Variants in METTL9 observed in about 807,000 individuals in gnomAD.
METTL9 encodes protein-L-histidine N-pros-methyltransferase.
In METTL9, 10 loss-of-function variants were observed where a neutral mutation model predicts 36.0. The ratio of observed to expected loss-of-function variants is 0.28; its 90% CI spans 0.17 to 0.47. METTL9 has a LOEUF of 0.47. Ranked by LOEUF, METTL9 falls within the 20% of genes least tolerant of loss-of-function variation. The probability of loss-of-function intolerance (pLI) is 0.99; values close to 1 mark genes in which losing one functional copy is unlikely to be tolerated. For synonymous variants in METTL9, 175 were observed against 149.7 expected, an observed-to-expected ratio of 1.17 and a Z score of -1.23; for missense variants, 246 against 383.5, an observed-to-expected ratio of 0.64 and a Z score of 3.00.
chr16:21,614,028 G>A lies in METTL9; in HGVS notation c.356+1193G>A, dbSNP rs567578564. On this transcript the variant is annotated intron_variant, in intron 2 of 4. Transcript: ENST00000358154. ...TTTCTACTGACTGACTGGATCCCCA[G>A]TGTATCATCTGGTCCTAAGTCTTCA... Among the ~76,000 whole-genome samples, 13 of 152,166 alleles carry A rather than the reference G, an allele frequency of 8.5e-5. 1 individual carries two copies. The East Asian group carries it at 2.3e-3, about 27-fold the overall frequency.
chr16:21,627,606 C>T (rs1965844356), intron 4 of METTL9: 1 of 156,684 alleles, frequency 6.4e-6, no homozygotes, highest in African/African-American at 2.4e-5. Context: ...AAAAGTAATT[C>T]AGTAATTAAA....
Position 21,624,524 on chromosome 16 carries a change from C to A in METTL9, c.567-407C>A, listed in dbSNP as rs145577091. Among the ~76,000 whole-genome samples the A allele has an allele frequency of 9.9e-4, 150 of 152,110 alleles. 1 individual carries two copies. Among genetic ancestry groups the A allele is most frequent in the African/African-American group, 3.4e-3 (142 of 41,498 alleles). On this transcript the variant is annotated intron_variant, in intron 3 of 4. Transcript: ENST00000358154. ...GTCGGATCGCTTGAGGTGAGGAGTTCAAGATCAGCTTAGCCAATGTGGTAA... is the reference window on the plus strand; with the variant it reads ...GTCGGATCGCTTGAGGTGAGGAGTTAAAGATCAGCTTAGCCAATGTGGTAA...
At chr16:21,653,291 C>G (rs1966627383) in intron 4 of METTL9, 1 of 150,466 alleles carries the variant, frequency 6.6e-6, no homozygotes, top group Admixed American at 6.7e-5. Context: ...GTTGTCTAGG[C>G]TAGTCCTGCC....
chr16:21,631,949 CCT>C (rs1016781414), intron 4 of METTL9, among the ~76,000 whole-genome samples: 5 of 152,004 alleles, frequency 3.3e-5, no homozygotes, highest in African/African-American at 9.7e-5. Context: ...TCACTGACTC[CCT>C]CTTTGTCTCT....
chr16:21,650,743 A>T (rs757386271), intron 4 of METTL9, among the ~76,000 whole-genome samples: 1 of 152,134 alleles, frequency 6.6e-6, no homozygotes. Flanking sequence ...TCCCCCAACC[A>T]GTTAGGCAAC....
At chr16:21,618,372 T>TA (rs1965604697) in intron 3 of METTL9, among the ~76,000 whole-genome samples, 1 of 152,174 alleles carries the variant, frequency 6.6e-6, no homozygotes, top group South Asian at 2.1e-4. Context: ...AGTGGTAAAA[T>TA]ACACATAGCA....
At chr16:21,597,779 G>C (rs1004796296), upstream of METTL9, among the ~76,000 whole-genome samples, 6 of 152,246 alleles carry the variant, frequency 3.9e-5, no homozygotes, top group South Asian at 1.2e-3. Flanking sequence ...AGGAAGGAGA[G>C]GTGTCATAGT....
intron 4 of METTL9, among the ~76,000 whole-genome samples, chr16:21,639,054 A>G (rs1377830938): frequency 2.0e-5 from 3 of 152,230 alleles, no homozygotes; most frequent in Non-Finnish European, 2.9e-5. Context: ...TAATTGGGAA[A>G]GAAACTTGCT....
Position 21,656,077 on chromosome 16 carries a change from A to T in METTL9, c.*645A>T, listed in dbSNP as rs1227396155. The stretch of plus-strand genomic sequence containing the variant: ...GGAAGGAAGGCTTCAGACTTGGGGG[A>T]AGGGGAGATTATTGCAAATTGCAGT... On this transcript the variant is annotated 3_prime_UTR_variant, in exon 5 of 5. Transcript: ENST00000358154. 4.0e-5 allele frequency: 6 copies of T among 150,900 alleles called. No individual in the cohort carries two copies. Among genetic ancestry groups the T allele is most frequent in the African/African-American group, 1.5e-4 (6 of 41,050 alleles). 9.3% of individuals were successfully genotyped at this position (150,900 alleles called of 1,614,324 possible). A position where few individuals can be genotyped will look rare whatever the true frequency, so the allele number is the denominator to read the frequency against.
rs1966681357 is a variant in METTL9, at chr16:21,655,420, C to G, written c.945C>G (p.Leu315=). 9.3e-6 allele frequency: 15 copies of G among 1,613,964 alleles called. No individual in the cohort carries two copies. The highest frequency in any genetic ancestry group is 1.2e-5 in the Non-Finnish European group (14 of 1,179,862). The part of the protein sequence containing the change: ...YYVLDDAVFV[L]KPV ...TTCTGGATGACGCTGTCTTTGTTCT[C>G]AAACCAGTATAAACACGTGGAGGTC... The change falls in exon 5 of 5, where the codon CTC becomes CTG. Residue 315 remains leucine, a synonymous_variant. Coordinates refer to ENST00000358154, the MANE Select transcript of METTL9 (RefSeq NM_016025.5).
chr16:21,643,258 AC>A, intron 4 of METTL9: 1 of 805,650 alleles, frequency 1.2e-6, no homozygotes, highest in East Asian at 2.4e-5. Flanking sequence ...GGTCCCAAAA[AC>A]TACCCCCTCC....
intron 1 of METTL9, among the ~76,000 whole-genome samples, chr16:21,611,463 A>G (rs549775763): frequency 2.0e-5 from 3 of 152,274 alleles, no homozygotes; most frequent in African/African-American, 4.8e-5. Flanking sequence ...TTGACTGGGA[A>G]AAATTTGTGT....
At chr16:21,617,793 C>A in intron 2 of METTL9, 72 bp from the exon 3 acceptor site, 1 of 1,287,258 alleles carries the variant, frequency 7.8e-7, no homozygotes, top group Non-Finnish European at 1.1e-6. Flanking sequence ...TCACTATATT[C>A]ACTTTGTGTG....
At chr16:21,619,446 A>G (rs1965638035) in intron 3 of METTL9, among the ~76,000 whole-genome samples, 1 of 148,614 alleles carries the variant, frequency 6.7e-6, no homozygotes, top group Admixed American at 6.7e-5. Flanking sequence ...TTTTCTGGAG[A>G]TGAAGTTTCA....
At position 21,655,629 on chromosome 16, in the gene METTL9, C is replaced by G. The variant is rs779543729; in HGVS notation, c.*197C>G. ...ATGTTTTTAAAAGACAAAAACCCAA[C>G]TCTTTGTGGATTTTTATCAACTCTT... On this transcript the variant is annotated 3_prime_UTR_variant, in exon 5 of 5. Transcript: ENST00000358154. The G allele has an allele frequency of 2.3e-4, 124 of 546,278 alleles. 2 individuals carry two copies. The highest frequency in any genetic ancestry group is 2.8e-4 in the Non-Finnish European group (89 of 314,222). 33.8% of individuals were successfully genotyped at this position (546,278 alleles called of 1,614,324 possible). A position where few individuals can be genotyped will look rare whatever the true frequency, so the allele number is the denominator to read the frequency against.
At chr16:21,639,282 A>G (rs886773697) in intron 4 of METTL9, among the ~76,000 whole-genome samples, 2 of 152,198 alleles carry the variant, frequency 1.3e-5, no homozygotes, top group Non-Finnish European at 2.9e-5. Context: ...CTTACATGGG[A>G]AAGGCATATT....
At chr16:21,641,871 C>T (rs113338685) in intron 4 of METTL9, among the ~76,000 whole-genome samples, 3,950 of 152,178 alleles carry the variant, frequency 0.026, 76 homozygotes, top group Middle Eastern at 0.068. Context: ...CCACATACCT[C>T]GGCCTTGTTG....
chr16:21,657,007 C>T lies in METTL9; in HGVS notation c.*1575C>T, dbSNP rs1322325505. The T allele has an allele frequency of 6.6e-6, 1 of 151,966 alleles. No homozygotes were observed. Among genetic ancestry groups the T allele is most frequent in the Non-Finnish European group, 1.5e-5 (1 of 68,010 alleles). The allele number at this position is 151,966 out of a possible 1,614,324, so 9.4% of individuals were successfully genotyped here. A position where few individuals can be genotyped will look rare whatever the true frequency, so the allele number is the denominator to read the frequency against. Reference sequence around the variant, plus strand: ...GGAAATGAGAAAACTTAATGTCGTTCTTGTACAGTTGAGTTTTGCTTCTTT... The same window carrying T: ...GGAAATGAGAAAACTTAATGTCGTTTTTGTACAGTTGAGTTTTGCTTCTTT... On this transcript the variant is annotated 3_prime_UTR_variant, in exon 5 of 5. Coordinates refer to ENST00000358154, the MANE Select transcript of METTL9 (RefSeq NM_016025.5).
At chr16:21,617,214 C>A (rs560014082) in intron 2 of METTL9, among the ~76,000 whole-genome samples, 28 of 150,780 alleles carry the variant, frequency 1.9e-4, no homozygotes, top group African/African-American at 6.8e-4. Flanking sequence ...GGCAGGAGAT[C>A]GAGACCATCC....
Sources: gnomAD v4.1 joint callset for allele counts (sites outside exome capture counted in the v4.1 genomes callset) on GRCh38, gnomAD v4.1.1 for gene constraint, MANE v1.5 for transcripts, NCBI Gene and HGNC (gene_info 2026-07-23, HGNC 2026-07-21) for gene names.